Variants in SPAG16 observed in about 807,000 individuals in gnomAD.
SPAG16 encodes the protein sperm associated antigen 16, also known as sperm-associated antigen 16 protein.
In SPAG16, 86 loss-of-function variants were observed where a neutral mutation model predicts 80.4. The observed-to-expected ratio is 1.07, with a 90% CI of 0.90 to 1.28. SPAG16 has a LOEUF of 1.28. Among genes scored for constraint, SPAG16 ranks in the 50% most tolerant of loss-of-function variants. SPAG16 has a pLI of 0.00. For synonymous variants in SPAG16, 294 were observed against 265.9 expected (o/e 1.11, Z -1.03); for missense variants, 870 against 765.3 (o/e 1.14, Z -1.61).
In SPAG16 at chr2:213,821,159, A is replaced by G. The variant is rs75289359; in HGVS notation, c.1071-41326A>G. Among the ~76,000 whole-genome samples, 1,298 of 152,066 alleles carry G rather than the reference A, an allele frequency of 8.5e-3. 29 individuals carry two copies. The highest frequency in any genetic ancestry group is 0.03 in the African/African-American group (1,245 of 41,504). On this transcript the variant is annotated intron_variant, in intron 10 of 15. Transcript: ENST00000331683. ...TCTTGTAGGTTCATTCTTCTGTCAT[A>G]TTGTTTTCTATTTTTATGAATTTGT...
At chr2:214,105,302 T>C (rs548483252) in intron 13 of SPAG16, among the ~76,000 whole-genome samples, 8 of 152,308 alleles carry the variant, frequency 5.3e-5, no homozygotes, top group African/African-American at 1.9e-4. Context: ...CTGGAAAATA[T>C]TCAGCATTTC....
At chr2:214,204,793 G>A (rs1559127292) in intron 15 of SPAG16, among the ~76,000 whole-genome samples, 1 of 151,954 alleles carries the variant, frequency 6.6e-6, no homozygotes, top group Non-Finnish European at 1.5e-5. Flanking sequence ...CTCCCCAAAA[G>A]ATCACACCAG....
intron 10 of SPAG16, among the ~76,000 whole-genome samples, chr2:213,645,058 A>G (rs2062771487): frequency 6.6e-6 from 1 of 152,144 alleles, no homozygotes; most frequent in Non-Finnish European, 1.5e-5. Flanking sequence ...TAGCTCTCAA[A>G]TCACTTGATG....
intron 10 of SPAG16, among the ~76,000 whole-genome samples, chr2:213,637,146 G>T (rs115749371): frequency 6.6e-6 from 1 of 152,132 alleles, no homozygotes; most frequent in East Asian, 1.9e-4. Flanking sequence ...TGATTTTGCT[G>T]AGGGTTTAAA....
At chr2:213,978,792 C>G (rs533678034) in intron 12 of SPAG16, among the ~76,000 whole-genome samples, 13 of 152,108 alleles carry the variant, frequency 8.5e-5, no homozygotes, top group Admixed American at 6.6e-4. Context: ...CAAGCTCGGT[C>G]CTGTGACTGT....
At chr2:213,970,605 A>C (rs1359734227) in intron 12 of SPAG16, among the ~76,000 whole-genome samples, 1 of 152,182 alleles carries the variant, frequency 6.6e-6, no homozygotes, top group Non-Finnish European at 1.5e-5. Context: ...CTGGCGAAGT[A>C]ATGCTAAAAG....
intron 14 of SPAG16, among the ~76,000 whole-genome samples, chr2:214,116,033 G>A (rs188284630): frequency 4.6e-5 from 7 of 152,290 alleles, no homozygotes; most frequent in Admixed American, 2.6e-4. Context: ...TATTTTGAGA[G>A]TACAGACCAG....
At chr2:213,425,457 A>G (rs2069855071) in intron 9 of SPAG16, among the ~76,000 whole-genome samples, 1 of 151,978 alleles carries the variant, frequency 6.6e-6, no homozygotes, top group Admixed American at 6.6e-5. Flanking sequence ...TGAGATCAGT[A>G]TAGCCAACAA....
At chr2:213,386,358 A>G (rs2067430092) in intron 9 of SPAG16, among the ~76,000 whole-genome samples, 1 of 152,156 alleles carries the variant, frequency 6.6e-6, no homozygotes, top group Non-Finnish European at 1.5e-5. Context: ...TCTAGCAGAG[A>G]TTTTGAGAGG....
At chr2:213,339,083 C>T (rs1422675141) in intron 5 of SPAG16, among the ~76,000 whole-genome samples, 1 of 151,908 alleles carries the variant, frequency 6.6e-6, no homozygotes, top group African/African-American at 2.4e-5. Flanking sequence ...AGACCTTGCA[C>T]CATATGCCTC....
intron 11 of SPAG16, among the ~76,000 whole-genome samples, chr2:213,868,126 A>G (rs921085067): frequency 2.0e-5 from 3 of 152,078 alleles, no homozygotes; most frequent in African/African-American, 7.2e-5. Flanking sequence ...AGATAGTTAT[A>G]AACTGAAAAC....
chr2:214,204,932 A>C (rs1008689154), intron 15 of SPAG16, among the ~76,000 whole-genome samples: 1 of 152,178 alleles, frequency 6.6e-6, no homozygotes, highest in Non-Finnish European at 1.5e-5. Context: ...GAAATCAAAA[A>C]ATAAAAAATA....
At chr2:213,540,344 C>T (rs897623727) in intron 10 of SPAG16, among the ~76,000 whole-genome samples, 1 of 151,986 alleles carries the variant, frequency 6.6e-6, no homozygotes, top group Non-Finnish European at 1.5e-5. Flanking sequence ...GCCACCATGC[C>T]CGGCCCAAAA....
At chr2:214,026,272 A>G (rs2048126737) in intron 13 of SPAG16, among the ~76,000 whole-genome samples, 1 of 151,422 alleles carries the variant, frequency 6.6e-6, no homozygotes, top group Admixed American at 6.6e-5. Context: ...ACACACAGAA[A>G]CCATGTGTAT....
chr2:213,575,504 A>G (rs1030456947), intron 10 of SPAG16, among the ~76,000 whole-genome samples: 3 of 152,120 alleles, frequency 2.0e-5, no homozygotes, highest in Non-Finnish European at 4.4e-5. Flanking sequence ...TATATTGGGA[A>G]TTATTGATTA....
intron 15 of SPAG16, among the ~76,000 whole-genome samples, chr2:214,318,468 G>A (rs192307341): frequency 8.5e-4 from 112 of 131,408 alleles, no homozygotes; most frequent in Non-Finnish European, 1.5e-3. Context: ...TGCAACCTCC[G>A]CCTCCTGGAT....
intron 10 of SPAG16, among the ~76,000 whole-genome samples, chr2:213,516,574 A>G (rs2075431496): frequency 6.6e-6 from 1 of 152,100 alleles, no homozygotes; most frequent in Non-Finnish European, 1.5e-5. Context: ...CTATTTAGCT[A>G]TTGATATGTG....
chr2:214,340,194 A>T (rs1452605191), intron 15 of SPAG16, among the ~76,000 whole-genome samples: 1 of 152,118 alleles, frequency 6.6e-6, no homozygotes, highest in Non-Finnish European at 1.5e-5. Flanking sequence ...CCTGTTCCTT[A>T]ATTTTCTTTG....
chr2:214,348,964 AT>A (rs111636596), intron 15 of SPAG16, among the ~76,000 whole-genome samples: 2,607 of 151,326 alleles, frequency 0.017, 22 homozygotes, highest in Non-Finnish European at 0.022. Flanking sequence ...GGTCATCTTT[AT>A]TTTTTTTTAC....
Sources: allele counts gnomAD v4.1 joint callset (sites outside exome capture counted in the v4.1 genomes callset), GRCh38; gene constraint gnomAD v4.1.1; transcripts MANE v1.5; gene names NCBI Gene and HGNC (gene_info 2026-07-23, HGNC 2026-07-21).